The following ISCU variants were observed in gnomAD, a reference collection of about 807,000 sequenced individuals.
ISCU encodes iron-sulfur cluster assembly enzyme.
A neutral mutation model predicts 18.4 loss-of-function variants in ISCU; 13 were observed. The ratio of observed to expected loss-of-function variants is 0.71; its 90% CI spans 0.46 to 1.12. The LOEUF is 1.12. Among genes scored for constraint, ISCU ranks in the 50% most tolerant of loss-of-function variants. The probability of loss-of-function intolerance (pLI) is 0.00; values close to 1 mark genes in which losing one functional copy is unlikely to be tolerated. For missense variants in ISCU, 229 were observed against 208.7 expected (o/e 1.10, Z -0.60); for synonymous variants, 104 against 87.5 (o/e 1.19, Z -1.06).
Position 108,568,929 on chromosome 12 carries a change from C to A in ISCU, c.*13C>A. ...AGAGAAGAAATGAGCCCTCCCTCGG[C>A]GAAGCCTCCAGCAGGCCACACCAGC... On this transcript the variant is annotated 3_prime_UTR_variant, in exon 5 of 5. Transcript: ENST00000311893. The A allele has an allele frequency of 6.9e-6, 11 of 1,604,654 alleles. No individual in the cohort carries two copies. The highest frequency in any genetic ancestry group is 1.7e-4 in the Middle Eastern group (1 of 5,968).
chr12:108,563,708 C>A (rs929928065), intron 1 of ISCU: 4 of 331,876 alleles, frequency 1.2e-5, no homozygotes, highest in Non-Finnish European at 1.7e-5. Context: ...GAAACTTGGA[C>A]TAGCAGCCTT....
At position 108,564,267 on chromosome 12, in the gene ISCU, C is replaced by T. The variant is rs752791626; in HGVS notation, c.115-12C>T. 1.9e-6 allele frequency: 3 copies of T among 1,602,302 alleles called. No homozygotes were observed. Among genetic ancestry groups the T allele is most frequent in the East Asian group, 2.2e-5 (1 of 44,830 alleles). On this transcript the variant is annotated splice_polypyrimidine_tract_variant and intron_variant, in intron 1 of 4. Transcript: ENST00000311893. Reference sequence around the variant, plus strand: ...AGAGTGAACATGATTTATCTTAACCCTCTCATTTTAGGTTGTTGATCATTA... The same window carrying T: ...AGAGTGAACATGATTTATCTTAACCTTCTCATTTTAGGTTGTTGATCATTA...
intron 3 of ISCU, among the ~76,000 whole-genome samples, chr12:108,566,336 A>C (rs191097002): frequency 2.6e-5 from 4 of 152,388 alleles, no homozygotes. Flanking sequence ...CCTCAGGTGA[A>C]GGGAGAAATG....
At position 108,567,206 on chromosome 12, in the gene ISCU, C is replaced by G; in HGVS notation, c.356C>G (p.Thr119Ser). ...VKGKTVEEAL[T>S]IKNTDIAKEL... Reference sequence around the variant, plus strand: ...GCCTCTCAGGTGGAGGAAGCCTTGACTATCAAAAACACAGATATCGCCAAG... The same window carrying G: ...GCCTCTCAGGTGGAGGAAGCCTTGAGTATCAAAAACACAGATATCGCCAAG... The change falls in exon 4 of 5, where the codon ACT (threonine) becomes AGT (serine). Residue 119 changes from threonine (T) to serine (S), a missense_variant. Transcript: ENST00000311893. 1 of 1,613,912 alleles carries G rather than the reference C, an allele frequency of 6.2e-7. No individual in the cohort carries two copies.
At chr12:108,566,118 G>GC (rs1359779964) in intron 3 of ISCU, among the ~76,000 whole-genome samples, 3 of 152,254 alleles carry the variant, frequency 2.0e-5, no homozygotes, top group East Asian at 1.9e-4. Context: ...CATCTTTGCT[G>GC]CCCCAAGGGA....
chr12:108,564,491 C>A, intron 2 of ISCU, 99 bp downstream of exon 2: 3 of 830,442 alleles, frequency 3.6e-6, no homozygotes, highest in Non-Finnish European at 6.1e-6. Flanking sequence ...CCTGTGAGAT[C>A]TCCAAGCATT....
chr12:108,567,688 C>T, intron 4 of ISCU: 4 of 1,536,052 alleles, frequency 2.6e-6, no homozygotes, highest in South Asian at 1.2e-5. Context: ...GAGGAGAAAA[C>T]TCAGCTTTCG....
At position 108,569,195 on chromosome 12, in the gene ISCU, C is replaced by G. The variant is rs1252956048; in HGVS notation, c.*279C>G. The G allele has an allele frequency of 2.2e-6, 1 of 456,392 alleles. No individual in the cohort carries two copies. Among genetic ancestry groups the G allele is most frequent in the Non-Finnish European group, 4.0e-6 (1 of 248,514 alleles). The allele number at this position is 456,392 out of a possible 1,614,324, so 28.3% of individuals were successfully genotyped here. On this transcript the variant is annotated 3_prime_UTR_variant, in exon 5 of 5. Transcript: ENST00000311893. ...AGAACTGAAATTGATAATGAAGTTG[C>G]AAGTTTTGATAGCCCGTGAAGTGCA... is the stretch of plus-strand genomic sequence containing the variant.
chr12:108,565,897 C>T (rs554163629), intron 3 of ISCU, among the ~76,000 whole-genome samples: 3 of 152,284 alleles, frequency 2.0e-5, no homozygotes, highest in East Asian at 3.9e-4. Context: ...AAGTGAACAA[C>T]GAAATCAGAA....
chr12:108,564,779 G>C (rs762170393), intron 2 of ISCU, among the ~76,000 whole-genome samples: 28 of 152,242 alleles, frequency 1.8e-4, no homozygotes, highest in Admixed American at 6.5e-4. Context: ...CCCAGATTGG[G>C]GGAAACATGA....
At position 108,568,828 on chromosome 12, in the gene ISCU, C is replaced by T. The variant is rs1221526373; in HGVS notation, c.419-3C>T. On this transcript the variant is annotated splice_polypyrimidine_tract_variant and splice_region_variant and intron_variant, in intron 4 of 4. Transcript: ENST00000311893. ...TAGGCTTCTTTCCTTCCGTTACTTC[C>T]AGTGCTGGCTGAAGATGCAATCAAG... The T allele has an allele frequency of 6.2e-7, 1 of 1,612,382 alleles. No individual in the cohort carries two copies. The highest frequency in any genetic ancestry group is 8.5e-7 in the Non-Finnish European group (1 of 1,179,300).
At chr12:108,567,449 AG>A in intron 4 of ISCU, 181 bp downstream of exon 4, 1 of 730,550 alleles carries the variant, frequency 1.4e-6, no homozygotes, top group Admixed American at 2.0e-5. Context: ...CATCCCTAAG[AG>A]AATCATGCCA....
At chr12:108,565,253 C>T in intron 2 of ISCU, 68 bp from the exon 3 acceptor site, 1 of 1,171,958 alleles carries the variant, frequency 8.5e-7, no homozygotes. Context: ...CCCTGGTGAA[C>T]CTTCGTGAGT....
At chr12:108,568,335 C>G (rs1054653169) in intron 4 of ISCU, 10 of 1,081,558 alleles carry the variant, frequency 9.2e-6, no homozygotes, top group South Asian at 3.4e-5. Context: ...GTCAAACTCT[C>G]GATCACTAGA....
intron 4 of ISCU, chr12:108,568,004 G>T (rs1446111165): frequency 1.3e-6 from 2 of 1,531,200 alleles, no homozygotes; most frequent in South Asian, 1.2e-5. Flanking sequence ...AGAGAGTCAG[G>T]CCTCTTGCCA....
upstream of ISCU, among the ~76,000 whole-genome samples, chr12:108,561,672 T>G (rs1182969051): frequency 6.6e-6 from 1 of 152,188 alleles, no homozygotes; most frequent in Non-Finnish European, 1.5e-5. Context: ...TATGTAAACG[T>G]CTGGTACCTA....
In ISCU at chr12:108,568,585, G is replaced by A. The variant is rs1279424629; in HGVS notation, c.419-246G>A. The A allele has an allele frequency of 6.5e-6, 9 of 1,384,306 alleles. No homozygotes were observed. In the Admixed American group the frequency reaches 2.7e-4, roughly 42 times the overall value. The allele number at this position is 1,384,306 out of a possible 1,614,324, so 85.8% of individuals were successfully genotyped here. A position where few individuals can be genotyped will look rare whatever the true frequency, so the allele number is the denominator to read the frequency against. On this transcript the variant is annotated intron_variant, in intron 4 of 4. Transcript: ENST00000311893. ...ATAGAAGAGAAAGTAGGGTCAAAGA[G>A]GCTAAGGAACTAGCCTGGGATCACA...
In ISCU at chr12:108,568,335, C is replaced by T. The variant is rs1054653169; in HGVS notation, c.419-496C>T. The T allele has an allele frequency of 5.7e-5, 62 of 1,081,558 alleles. No homozygotes were observed. In the African/African-American group the frequency reaches 6.5e-4, roughly 11 times the overall value. The allele number at this position is 1,081,558 out of a possible 1,614,324, so 67.0% of individuals were successfully genotyped here. On this transcript the variant is annotated intron_variant, in intron 4 of 4. Coordinates refer to ENST00000311893, the MANE Select transcript of ISCU (RefSeq NM_213595.4). ...TCCTAAATAAAAGTGGTCAAACTCT[C>T]GATCACTAGAGGGTGATGTGGCAAA...
At chr12:108,567,646 C>CT (rs2030961889) in intron 4 of ISCU, 2 of 1,534,604 alleles carry the variant, frequency 1.3e-6, no homozygotes, top group Non-Finnish European at 1.7e-6. Context: ...AAGCTCCAAT[C>CT]TTTGATTTCA....
Sources: gnomAD v4.1 joint callset for allele counts (sites outside exome capture counted in the v4.1 genomes callset) on GRCh38, gnomAD v4.1.1 for gene constraint, MANE v1.5 for transcripts, NCBI Gene and HGNC (gene_info 2026-07-23, HGNC 2026-07-21) for gene names.